Variants in VPS13B observed in about 807,000 individuals in gnomAD.
The protein encoded by VPS13B is intermembrane lipid transfer protein VPS13B.
Under a neutral mutation model 426.4 loss-of-function variants are expected in VPS13B, and 285 were observed. The observed-to-expected ratio is 0.67, with a 90% CI of 0.61 to 0.74. The LOEUF (loss-of-function observed/expected upper bound fraction) is 0.74, where lower values mean the gene tolerates loss of function less well. Among genes scored for constraint, VPS13B ranks in the 30% least tolerant of loss-of-function variants. The pLI is 0.00. For missense variants in VPS13B, 4,537 were observed against 4,782.6 expected, an observed-to-expected ratio of 0.95 and a Z score of 1.51; for synonymous variants, 1,676 against 1,676.4, an observed-to-expected ratio of 1.00 and a Z score of 0.01.
At chr8:99,307,913 T>G (rs927499913) in intron 19 of VPS13B, among the ~76,000 whole-genome samples, 6 of 152,132 alleles carry the variant, frequency 3.9e-5, no homozygotes, top group Non-Finnish European at 7.4e-5. Flanking sequence ...TAACTAGCAC[T>G]GCTTTTGCTG....
At position 99,111,190 on chromosome 8, in the gene VPS13B, C is replaced by T. The variant is rs763629811; in HGVS notation, c.673C>T (p.Gln225Ter). 5.0e-6 allele frequency: 8 copies of T among 1,598,532 alleles called. No homozygotes were observed. The highest frequency in any genetic ancestry group is 2.3e-5 in the East Asian group (1 of 44,132). The change falls in exon 6 of 62, where the codon CAG becomes TAG. Residue 225 changes from glutamine to a stop codon, truncating the protein, a stop_gained. Transcript: ENST00000357162. LOFTEE classifies it high-confidence loss of function. ...RNASGKIEFY[Q>*]DPLLYKCSFR... ...TGCCAGTGGTAAAATAGAATTTTACCAGGATCCTTTATTATACAAATGTTC... is the reference window on the plus strand; with the variant it reads ...TGCCAGTGGTAAAATAGAATTTTACTAGGATCCTTTATTATACAAATGTTC...
chr8:99,328,376 A>C (rs1337531503), intron 19 of VPS13B, among the ~76,000 whole-genome samples: 9 of 152,178 alleles, frequency 5.9e-5, no homozygotes, highest in Non-Finnish European at 1.0e-4. Flanking sequence ...GAGTTTTAAA[A>C]AAATTCTGTG....
intron 3 of VPS13B, among the ~76,000 whole-genome samples, chr8:99,060,434 C>A (rs1284348549): frequency 6.6e-6 from 1 of 152,020 alleles, no homozygotes; most frequent in Non-Finnish European, 1.5e-5. Context: ...CATGGCAAAA[C>A]CCCATCTCTA....
chr8:99,341,727 C>T, intron 19 of VPS13B: 1 of 390,646 alleles, frequency 2.6e-6, no homozygotes, highest in Non-Finnish European at 5.3e-6. Context: ...GATCTTTCTG[C>T]CTTTTTTGTC....
At chr8:99,509,399 C>T (rs900465169) in intron 28 of VPS13B, among the ~76,000 whole-genome samples, 8 of 151,916 alleles carry the variant, frequency 5.3e-5, no homozygotes, top group Non-Finnish European at 8.8e-5. Context: ...TTAATGCTTA[C>T]TTTCCAGGGT....
chr8:99,849,001 G>A (rs929695328), intron 55 of VPS13B, 107 bp downstream of exon 55: 1 of 1,084,440 alleles, frequency 9.2e-7, no homozygotes, highest in Non-Finnish European at 1.4e-6. Flanking sequence ...TAAAGCTTTT[G>A]GTTAATTATC....
chr8:99,518,446 A>G (rs1822203879), intron 29 of VPS13B, among the ~76,000 whole-genome samples: 1 of 152,224 alleles, frequency 6.6e-6, no homozygotes, highest in African/African-American at 2.4e-5. Context: ...GTGCAGCTGC[A>G]TGAGAAGTAG....
intron 25 of VPS13B, among the ~76,000 whole-genome samples, chr8:99,500,023 A>G (rs1239471757): frequency 6.6e-6 from 1 of 152,154 alleles, no homozygotes; most frequent in Non-Finnish European, 1.5e-5. Context: ...CTGTGTTTAG[A>G]TGGCATGTCT....
intron 19 of VPS13B, among the ~76,000 whole-genome samples, chr8:99,312,718 C>G (rs1423486552): frequency 6.6e-6 from 1 of 152,096 alleles, no homozygotes; most frequent in Non-Finnish European, 1.5e-5. Flanking sequence ...GTTGGCCTGC[C>G]TTGCTAGGTT....
intron 24 of VPS13B, among the ~76,000 whole-genome samples, chr8:99,473,145 A>G (rs999754739): frequency 9.9e-5 from 15 of 152,046 alleles, no homozygotes; most frequent in African/African-American, 3.6e-4. Context: ...TCCCTGCCCA[A>G]CTGGTTTTAT....
intron 35 of VPS13B, among the ~76,000 whole-genome samples, chr8:99,695,710 A>G (rs973096750): frequency 6.6e-6 from 1 of 151,104 alleles, no homozygotes; most frequent in African/African-American, 2.4e-5. Flanking sequence ...AAAAAAAAAA[A>G]AACTCCATAC....
intron 43 of VPS13B, among the ~76,000 whole-genome samples, chr8:99,792,253 A>C (rs1278020897): frequency 6.6e-6 from 1 of 152,118 alleles, no homozygotes; most frequent in Non-Finnish European, 1.5e-5. Flanking sequence ...ATATAACCCA[A>C]AATTACTTGA....
chr8:99,103,213 A>C (rs1305833645), intron 5 of VPS13B, 93 bp downstream of exon 5: 1 of 1,412,254 alleles, frequency 7.1e-7, no homozygotes, highest in African/African-American at 1.4e-5. Flanking sequence ...AGTTGCTGGT[A>C]AATGTTATCA....
intron 51 of VPS13B, among the ~76,000 whole-genome samples, chr8:99,830,755 C>T (rs183977297): frequency 3.5e-4 from 54 of 152,308 alleles, no homozygotes; most frequent in African/African-American, 1.3e-3. Flanking sequence ...ATCTCCTGGT[C>T]TGTGGGTTGC....
intron 17 of VPS13B, among the ~76,000 whole-genome samples, chr8:99,221,877 A>G (rs1815744677): frequency 6.6e-6 from 1 of 152,182 alleles, no homozygotes; most frequent in Non-Finnish European, 1.5e-5. Flanking sequence ...CCCAGCCAGT[A>G]CCTCAGCTTC....
At chr8:99,497,725 G>A (rs1021719369) in intron 25 of VPS13B, among the ~76,000 whole-genome samples, 2 of 152,158 alleles carry the variant, frequency 1.3e-5, no homozygotes, top group African/African-American at 4.8e-5. Context: ...TTATTCAAGT[G>A]CAATTAACCT....
At chr8:99,220,698 TGA>T (rs1211007344) in intron 17 of VPS13B, among the ~76,000 whole-genome samples, 1 of 151,830 alleles carries the variant, frequency 6.6e-6, no homozygotes, top group Admixed American at 6.6e-5. Flanking sequence ...AGTACATTGG[TGA>T]GAGAGCTAAC....
intron 3 of VPS13B, among the ~76,000 whole-genome samples, chr8:99,060,333 G>T (rs1844113297): frequency 1.3e-5 from 2 of 152,116 alleles, no homozygotes; most frequent in African/African-American, 4.8e-5. Context: ...ATTGGGCTAG[G>T]CGTGGTGGTT....
At chr8:99,209,625 T>C (rs1196972297) in intron 17 of VPS13B, 3 of 408,948 alleles carry the variant, frequency 7.3e-6, no homozygotes, top group East Asian at 2.4e-4. Flanking sequence ...CAGGTTGATC[T>C]TGAACTCCTG....
Sources: gnomAD v4.1 joint callset for allele counts (sites outside exome capture counted in the v4.1 genomes callset) on GRCh38, gnomAD v4.1.1 for gene constraint, MANE v1.5 for transcripts, NCBI Gene and HGNC (gene_info 2026-07-23, HGNC 2026-07-21) for gene names.